NECTIN4: variants seen among roughly 807,000 people sequenced by gnomAD.
NECTIN4 encodes the protein nectin-4.
Under a neutral mutation model 51.7 loss-of-function variants are expected in NECTIN4, and 19 were observed. The ratio of observed to expected loss-of-function variants is 0.37; its 90% CI spans 0.26 to 0.54. NECTIN4 has a LOEUF of 0.54. Among genes scored for constraint, NECTIN4 ranks in the 20% least tolerant of loss-of-function variants. The probability of loss-of-function intolerance (pLI) is 0.86; values close to 1 mark genes in which losing one functional copy is unlikely to be tolerated. For synonymous variants in NECTIN4, 283 were observed against 286.9 expected (o/e 0.99, Z 0.14); for missense variants, 619 against 662.4 (o/e 0.93, Z 0.72).
At chr1:161,075,140 T>C (rs1653360529) in intron 4 of NECTIN4, among the ~76,000 whole-genome samples, 1 of 152,242 alleles carries the variant, frequency 6.6e-6, no homozygotes, top group African/African-American at 2.4e-5. Context: ...ACCCGTGATG[T>C]TGCATGGCAG....
chr1:161,081,632 C>G (rs1019775811), intron 1 of NECTIN4, among the ~76,000 whole-genome samples: 1 of 152,092 alleles, frequency 6.6e-6, no homozygotes, highest in Non-Finnish European at 1.5e-5. Flanking sequence ...CCCAGCAACC[C>G]CCAACAGTGT....
chr1:161,088,149 A>G (rs961170521), intron 1 of NECTIN4, among the ~76,000 whole-genome samples: 11 of 152,136 alleles, frequency 7.2e-5, no homozygotes, highest in African/African-American at 2.7e-4. Context: ...CCATACCTCC[A>G]CCAATCCACA....
chr1:161,078,872 C>T (rs1048059064), intron 2 of NECTIN4, among the ~76,000 whole-genome samples: 2 of 151,884 alleles, frequency 1.3e-5, no homozygotes, highest in Non-Finnish European at 2.9e-5. Flanking sequence ...ATTAACTGGG[C>T]GTGGTGGTGG....
intron 1 of NECTIN4, among the ~76,000 whole-genome samples, chr1:161,083,756 G>A (rs1286396365): frequency 1.3e-5 from 2 of 151,922 alleles, no homozygotes; most frequent in African/African-American, 4.8e-5. Context: ...CCCCACCCTG[G>A]CCAGGCCCCC....
At chr1:161,078,559 C>T (rs1653522851) in intron 2 of NECTIN4, among the ~76,000 whole-genome samples, 1 of 151,950 alleles carries the variant, frequency 6.6e-6, no homozygotes, top group African/African-American at 2.4e-5. Flanking sequence ...CTGCCCACCT[C>T]AGCCTCCCAA....
intron 4 of NECTIN4, among the ~76,000 whole-genome samples, chr1:161,075,187 C>A (rs1003974619): frequency 4.6e-5 from 7 of 152,228 alleles, no homozygotes; most frequent in African/African-American, 1.7e-4. Context: ...AGGCCACATG[C>A]ATCGCTCATA....
Position 161,076,371 on chromosome 1 carries a change from AG to A in NECTIN4, c.834del (p.Ser279HisfsTer27). 1.2e-6 allele frequency: 2 copies of A among 1,614,134 alleles called. No homozygotes were observed. Among genetic ancestry groups the A allele is most frequent in the Non-Finnish European group, 1.7e-6 (2 of 1,180,002 alleles). ...GGCCCTTACCGTGTCCAGTTGTATG[AG>A]GGAGGGGGCTGCCCTTCACTCAGGC... The part of the protein sequence containing the change: ...LKCLSEGQPP[P>X]SYNWTRLDGP... On this transcript the variant is annotated frameshift_variant, in exon 4 of 9. Coordinates refer to ENST00000368012, the MANE Select transcript of NECTIN4 (RefSeq NM_030916.3). LOFTEE classifies it high-confidence loss of function.
In NECTIN4 at chr1:161,072,406, C is replaced by CCA. The variant is rs1199064080; in HGVS notation, c.*253_*254dup. Reference sequence around the variant, plus strand: ...CACCCCTCCACGGACAGTCACCCCTCCACACACACACAGTCAGTCAACACT... The same window carrying CCA: ...CACCCCTCCACGGACAGTCACCCCTCCACACACACACACAGTCAGTCAACACT... On this transcript the variant is annotated 3_prime_UTR_variant, in exon 9 of 9. Coordinates refer to ENST00000368012, the MANE Select transcript of NECTIN4 (RefSeq NM_030916.3). 5.4e-5 allele frequency: 31 copies of CCA among 575,928 alleles called. No individual in the cohort carries two copies. Among genetic ancestry groups the CCA allele is most frequent in the Admixed American group, 1.1e-4 (4 of 34,952 alleles). 35.7% of individuals were successfully genotyped at this position (575,928 alleles called of 1,614,324 possible). A position where few individuals can be genotyped will look rare whatever the true frequency, so the allele number is the denominator to read the frequency against.
At chr1:161,075,017 C>T (rs1653352602) in intron 4 of NECTIN4, among the ~76,000 whole-genome samples, 1 of 149,536 alleles carries the variant, frequency 6.7e-6, no homozygotes, top group Non-Finnish European at 1.5e-5. Flanking sequence ...CCACAGGCAT[C>T]ACGTCATCCA....
At chr1:161,075,305 G>A (rs1457853080) in intron 4 of NECTIN4, among the ~76,000 whole-genome samples, 2 of 152,216 alleles carry the variant, frequency 1.3e-5, no homozygotes, top group Non-Finnish European at 2.9e-5. Context: ...AGGATGCCTT[G>A]AGGGAACTGG....
In NECTIN4 at chr1:161,087,740, T is replaced by C. The variant is rs574087535; in HGVS notation, c.79+1478A>G. Among the ~76,000 whole-genome samples the C allele has an allele frequency of 2.0e-5, 3 of 152,006 alleles. No homozygotes were observed. In the East Asian group the frequency reaches 5.8e-4, roughly 29 times the overall value. ...TGGGAGAGAGAGATTGGCTCCTCAG[T>C]TCAGAGTCATAGGAAAGAGATGTTT... On this transcript the variant is annotated intron_variant, in intron 1 of 8. Coordinates refer to ENST00000368012, the MANE Select transcript of NECTIN4 (RefSeq NM_030916.3).
At chr1:161,083,016 C>T (rs1296410438) in intron 1 of NECTIN4, among the ~76,000 whole-genome samples, 1 of 152,190 alleles carries the variant, frequency 6.6e-6, no homozygotes, top group Non-Finnish European at 1.5e-5. Context: ...CTATATTTCC[C>T]TTGGAAAATA....
At chr1:161,074,066 C>A in intron 6 of NECTIN4, 151 bp downstream of exon 6, 1 of 960,692 alleles carries the variant, frequency 1.0e-6, no homozygotes, top group African/African-American at 1.6e-5. Context: ...ACCCTTAGCT[C>A]CTCCTCAGCC....
At chr1:161,088,168 C>T (rs1654032714) in intron 1 of NECTIN4, among the ~76,000 whole-genome samples, 1 of 152,120 alleles carries the variant, frequency 6.6e-6, no homozygotes, top group South Asian at 2.1e-4. Flanking sequence ...CACATCTAGG[C>T]CTTATTTCCC....
rs1557954429 is a variant in NECTIN4, at chr1:161,089,364, C to T, written c.-68G>A. On this transcript the variant is annotated 5_prime_UTR_variant, in exon 1 of 9. Transcript: ENST00000368012. This position sits in a 1 kb window ranked among gnomAD's most constrained non-coding sequence, Gnocchi z 4.1. ...GATCTCCCTGGGAGCCGGCTGCAGA[C>T]TTGAATAAGGAACTGACCCAGAAGG... 9 of 1,450,006 alleles carry T rather than the reference C, an allele frequency of 6.2e-6. No individual in the cohort carries two copies. The East Asian group carries it at 1.8e-4, about 29-fold the overall frequency. 89.8% of individuals were successfully genotyped at this position (1,450,006 alleles called of 1,614,324 possible).
At chr1:161,079,359 T>A (rs1653558990) in intron 2 of NECTIN4, among the ~76,000 whole-genome samples, 1 of 152,242 alleles carries the variant, frequency 6.6e-6, no homozygotes, top group Non-Finnish European at 1.5e-5. Context: ...TTTCATGTCG[T>A]CGGAAGGAAG....
intron 1 of NECTIN4, among the ~76,000 whole-genome samples, chr1:161,085,694 CCT>C (rs1285862210): frequency 1.3e-5 from 2 of 149,508 alleles, no homozygotes; most frequent in East Asian, 3.9e-4. Flanking sequence ...AACTTCGCCT[CCT>C]CTTTTTTTTT....
intron 6 of NECTIN4, 85 bp downstream of exon 6, chr1:161,074,132 G>T: frequency 1.3e-6 from 2 of 1,552,226 alleles, no homozygotes; most frequent in Non-Finnish European, 1.8e-6. Flanking sequence ...AGCCTACCCA[G>T]TCTCCTCGGT....
chr1:161,080,838 C>G (rs1321670998), intron 1 of NECTIN4, among the ~76,000 whole-genome samples: 1 of 152,202 alleles, frequency 6.6e-6, no homozygotes, highest in African/African-American at 2.4e-5. Flanking sequence ...GGATCCACTC[C>G]CTGCTCTCAT....
Sources: gnomAD v4.1 joint callset for allele counts (sites outside exome capture counted in the v4.1 genomes callset) on GRCh38, gnomAD v4.1.1 for gene constraint, Gnocchi (gnomAD v3.1) non-coding constraint, MANE v1.5 for transcripts, NCBI Gene and HGNC (gene_info 2026-07-23, HGNC 2026-07-21) for gene names.